Variants in TRIM9 observed in about 807,000 individuals in gnomAD.
TRIM9 encodes tripartite motif containing 9.
In TRIM9, 26 loss-of-function variants were observed where a neutral mutation model predicts 78.3. That is an observed-to-expected ratio of 0.33 (90% CI 0.24 to 0.46). The LOEUF (loss-of-function observed/expected upper bound fraction) is 0.46. Among genes scored for constraint, TRIM9 ranks in the 20% least tolerant of loss-of-function variants. The pLI is 1.00. For missense variants in TRIM9, 787 were observed against 1,036.4 expected, an observed-to-expected ratio of 0.76 and a Z score of 3.30; for synonymous variants, 398 against 416.5, an observed-to-expected ratio of 0.96 and a Z score of 0.54.
At chr14:51,060,141 A>G (rs1161724087) in intron 1 of TRIM9, among the ~76,000 whole-genome samples, 2 of 152,156 alleles carry the variant, frequency 1.3e-5, no homozygotes, top group African/African-American at 4.8e-5. Context: ...CTTTCCACAG[A>G]CTGTAGTTGG....
chr14:51,085,461 A>G (rs958051424), intron 1 of TRIM9, among the ~76,000 whole-genome samples: 18 of 152,218 alleles, frequency 1.2e-4, no homozygotes, highest in Non-Finnish European at 7.3e-5. Flanking sequence ...GGCAGTGTTT[A>G]AATCCATTCT....
chr14:50,996,308 G>A (rs771182118), intron 7 of TRIM9: 3 of 985,320 alleles, frequency 3.0e-6, no homozygotes, highest in Non-Finnish European at 3.6e-6. Flanking sequence ...TGTGACTGTG[G>A]TACCAAGGAT....
At chr14:51,064,139 T>A (rs916581739) in intron 1 of TRIM9, among the ~76,000 whole-genome samples, 3 of 152,032 alleles carry the variant, frequency 2.0e-5, no homozygotes, top group Non-Finnish European at 4.4e-5. Flanking sequence ...GATGTGTATG[T>A]TAGCTGTAGG....
At chr14:51,080,778 T>C (rs2063231961) in intron 1 of TRIM9, among the ~76,000 whole-genome samples, 1 of 152,182 alleles carries the variant, frequency 6.6e-6, no homozygotes, top group African/African-American at 2.4e-5. Flanking sequence ...GATATTATAC[T>C]GAGGTAGACT....
chr14:51,061,985 C>T (rs1012131157), intron 1 of TRIM9, among the ~76,000 whole-genome samples: 1 of 152,176 alleles, frequency 6.6e-6, no homozygotes, highest in African/African-American at 2.4e-5. Flanking sequence ...TTTGTATTCA[C>T]TTTTCTTTCC....
At chr14:50,998,888 A>C (rs897273141) in intron 6 of TRIM9, among the ~76,000 whole-genome samples, 2 of 152,254 alleles carry the variant, frequency 1.3e-5, no homozygotes, top group Non-Finnish European at 2.9e-5. Context: ...GTAATGAATA[A>C]AAATAATTTG....
At chr14:51,048,471 T>C (rs2060124961) in intron 1 of TRIM9, among the ~76,000 whole-genome samples, 1 of 152,248 alleles carries the variant, frequency 6.6e-6, no homozygotes, top group African/African-American at 2.4e-5. Context: ...TGCCTGTCCA[T>C]CCATCAAATC....
chr14:51,009,127 C>A lies in TRIM9; in HGVS notation c.1259G>T (p.Ser420Ile). 1 of 1,614,064 alleles carries A rather than the reference C, an allele frequency of 6.2e-7. No individual in the cohort carries two copies. Among genetic ancestry groups the A allele is most frequent in the Non-Finnish European group, 8.5e-7 (1 of 1,179,940 alleles). The change falls in exon 5 of 13, where the codon AGC becomes ATC. Residue 420 changes from serine to isoleucine, a missense_variant. Physicochemically the swap from Ser to Ile is moderately radical, Grantham distance 142. This residue lies in a region of TRIM9 where 421 missense variants were observed against 514.3 expected (regional missense o/e 0.82). Coordinates refer to ENST00000684578, the MANE Select transcript of TRIM9 (RefSeq NM_001387360.1). ...TTDFDLSLDN[S>I]PLLQSIHQLD... ...CTGGTGGATGGATTGCAGCAGAGGG[C>A]TGTTGTCCAGACTCAAGTCAAAGTC...
At chr14:51,012,572 C>A (rs1185874183) in intron 3 of TRIM9, among the ~76,000 whole-genome samples, 1 of 152,078 alleles carries the variant, frequency 6.6e-6, no homozygotes, top group East Asian at 1.9e-4. Context: ...GGGTATTATA[C>A]CCAGAAGTGG....
chr14:50,985,781 C>A lies in TRIM9; in HGVS notation c.1792+175G>T, dbSNP rs1488798474. ...ATGGTTGCTCCTTCCACCACACAAACAAGAACGCCACAAAGCTCCACCATC... is the reference window on the plus strand; with the variant it reads ...ATGGTTGCTCCTTCCACCACACAAAAAAGAACGCCACAAAGCTCCACCATC... On this transcript the variant is annotated intron_variant, in intron 8 of 12. Coordinates refer to ENST00000684578, the MANE Select transcript of TRIM9 (RefSeq NM_001387360.1). 2.0e-5 allele frequency among the ~76,000 whole-genome samples: 3 copies of A among 152,226 alleles called. No homozygotes were observed. In the East Asian group the frequency reaches 5.8e-4, roughly 29 times the overall value.
Position 50,979,691 on chromosome 14 carries a change from C to G in TRIM9, c.2163-142G>C, listed in dbSNP as rs1030372044. ...ACCGTTTCCCTAATCATCCCTTGCA[C>G]ATAAATTTTAATACCGCAGATATAC... On this transcript the variant is annotated intron_variant, in intron 11 of 12. Coordinates refer to ENST00000684578, the MANE Select transcript of TRIM9 (RefSeq NM_001387360.1). The G allele has an allele frequency of 3.6e-5, 26 of 721,508 alleles. No homozygotes were observed. The African/African-American group carries it at 4.4e-4, about 12-fold the overall frequency. 44.7% of individuals were successfully genotyped at this position (721,508 alleles called of 1,614,324 possible).
At chr14:51,080,049 T>A (rs2063155925) in intron 1 of TRIM9, among the ~76,000 whole-genome samples, 1 of 152,050 alleles carries the variant, frequency 6.6e-6, no homozygotes, top group Admixed American at 6.5e-5. Context: ...TTTGCTAGGG[T>A]AGGAGTCAAC....
At chr14:51,065,392 C>A (rs533220812) in intron 1 of TRIM9, among the ~76,000 whole-genome samples, 1 of 152,270 alleles carries the variant, frequency 6.6e-6, no homozygotes, top group African/African-American at 2.4e-5. Context: ...GAAAACCCTC[C>A]TTGATGGATA....
chr14:51,073,656 G>T (rs566719237), intron 1 of TRIM9, among the ~76,000 whole-genome samples: 2 of 152,278 alleles, frequency 1.3e-5, no homozygotes, highest in South Asian at 2.1e-4. Context: ...TGGACTGGAA[G>T]GGAGCATGCA....
intron 7 of TRIM9, chr14:50,997,316 T>C: frequency 4.1e-6 from 4 of 985,392 alleles, no homozygotes; most frequent in Non-Finnish European, 4.8e-6. Context: ...ATTTAAAGTA[T>C]AGCTAAGAAG....
intron 1 of TRIM9, chr14:51,089,013 G>A (rs2064053372): frequency 6.6e-6 from 1 of 152,022 alleles, no homozygotes; most frequent in African/African-American, 2.4e-5. Flanking sequence ...ACTCTCAGTG[G>A]ACACTGACAT....
intron 12 of TRIM9, 94 bp from the exon 13 acceptor site, chr14:50,977,447 TTC>T (rs766001774): frequency 3.2e-6 from 3 of 949,420 alleles, no homozygotes; most frequent in Non-Finnish European, 4.2e-6. Context: ...TCAAAAAGTG[TTC>T]TGTTTGCTTC....
chr14:51,031,462 G>C (rs1300025652), intron 1 of TRIM9, among the ~76,000 whole-genome samples: 1 of 152,112 alleles, frequency 6.6e-6, no homozygotes, highest in East Asian at 1.9e-4. Flanking sequence ...ACTTCAATAA[G>C]CACAAGTTAG....
intron 3 of TRIM9, among the ~76,000 whole-genome samples, chr14:51,018,833 T>A (rs762629561): frequency 6.6e-6 from 1 of 151,944 alleles, no homozygotes; most frequent in African/African-American, 2.4e-5. Context: ...ACTGTAACAT[T>A]TTTTTTCTTT....
Sources: gnomAD v4.1 joint callset for allele counts (sites outside exome capture counted in the v4.1 genomes callset) on GRCh38, gnomAD v4.1.1 for gene constraint, gnomAD v4.1.1 regional missense constraint, MANE v1.5 for transcripts, NCBI Gene and HGNC (gene_info 2026-07-23, HGNC 2026-07-21) for gene names.